SMIM7: variants seen among roughly 807,000 people sequenced by gnomAD.
SMIM7 encodes the protein UPF0608 protein C19orf42.
SMIM7 carries 12 observed loss-of-function variants against 13.3 expected under a neutral mutation model. The observed-to-expected ratio is 0.90, with a 90% CI of 0.58 to 1.46. The LOEUF (loss-of-function observed/expected upper bound fraction) is 1.46, where lower values mean the gene tolerates loss of function less well. Among genes scored for constraint, SMIM7 ranks in the 40% most tolerant of loss-of-function variants. The probability of loss-of-function intolerance (pLI) is 0.00; values close to 1 mark genes in which losing one functional copy is unlikely to be tolerated. For synonymous variants in SMIM7, 36 were observed against 35.8 expected (o/e 1.01, Z -0.02); for missense variants, 114 against 94.8 (o/e 1.20, Z -0.84).
intron 4 of SMIM7, among the ~76,000 whole-genome samples, chr19:16,632,442 G>C (rs73516991): frequency 1.3e-3 from 197 of 152,100 alleles, no homozygotes; most frequent in African/African-American, 4.6e-3. Context: ...CTGGTTGGGG[G>C]GTGGGAATTC....
At chr19:16,632,882 C>T (rs1338681487) in intron 4 of SMIM7, among the ~76,000 whole-genome samples, 4 of 152,054 alleles carry the variant, frequency 2.6e-5, no homozygotes, top group African/African-American at 7.2e-5. Flanking sequence ...TGGATATGAG[C>T]GTACTGAAAT....
intron 4 of SMIM7, among the ~76,000 whole-genome samples, chr19:16,638,272 G>GTGAGGCAAT (rs2086375178): frequency 1.3e-5 from 2 of 150,676 alleles, no homozygotes; most frequent in Admixed American, 1.3e-4. Flanking sequence ...CAAAAGAACC[G>GTGAGGCAAT]TGAGGCAATT....
chr19:16,649,573 C>T (rs2086493020), intron 4 of SMIM7, among the ~76,000 whole-genome samples: 2 of 151,084 alleles, frequency 1.3e-5, no homozygotes, highest in Admixed American at 6.6e-5. Flanking sequence ...ACTCTGTCTC[C>T]AAAAAAAAGA....
downstream of SMIM7, chr19:16,645,651 TACTCA>T (rs1251761916): frequency 4.1e-5 from 6 of 147,992 alleles, no homozygotes; most frequent in Non-Finnish European, 8.8e-5. Flanking sequence ...AAATTCCACT[TACTCA>T]ATTCTTTTTT....
intron 4 of SMIM7, among the ~76,000 whole-genome samples, chr19:16,631,974 A>C (rs1274186195): frequency 6.6e-6 from 1 of 150,706 alleles, no homozygotes; most frequent in Non-Finnish European, 1.5e-5. Flanking sequence ...GGTTCAAGCG[A>C]TTCTCCTGCC....
intron 4 of SMIM7, chr19:16,652,795 T>TG: frequency 6.5e-7 from 1 of 1,527,096 alleles, no homozygotes. Flanking sequence ...TCTCTCTTTC[T>TG]GGGGGAAGCA....
intron 3 of SMIM7, among the ~76,000 whole-genome samples, chr19:16,656,648 C>T (rs2086600707): frequency 6.6e-6 from 1 of 151,974 alleles, no homozygotes; most frequent in Admixed American, 6.6e-5. Flanking sequence ...TCTGTAATCC[C>T]AGCACTTTGG....
At chr19:16,655,761 G>A (rs995769301) in intron 3 of SMIM7, among the ~76,000 whole-genome samples, 1 of 151,384 alleles carries the variant, frequency 6.6e-6, no homozygotes, top group South Asian at 2.1e-4. Flanking sequence ...TCTGCAGACT[G>A]GGGCTGCATG....
intron 3 of SMIM7, among the ~76,000 whole-genome samples, chr19:16,657,380 C>T (rs2086609628): frequency 7.0e-6 from 1 of 142,900 alleles, no homozygotes; most frequent in Non-Finnish European, 1.6e-5. Flanking sequence ...CGGATCTGTA[C>T]AGTGCAACTC....
intron 2 of SMIM7, 31 bp downstream of exon 2, chr19:16,659,928 T>C (rs746148694): frequency 1.3e-6 from 2 of 1,599,564 alleles, no homozygotes; most frequent in Non-Finnish European, 8.5e-7. Context: ...GTTCCCCGGA[T>C]GGAGCCGCAG....
intron 4 of SMIM7, chr19:16,652,566 T>C: frequency 8.8e-7 from 1 of 1,141,614 alleles, no homozygotes; most frequent in Non-Finnish European, 1.1e-6. Context: ...TAGGCAAGTC[T>C]CATACATGCT....
intron 4 of SMIM7, among the ~76,000 whole-genome samples, chr19:16,648,037 C>T (rs142926481): frequency 5.3e-5 from 8 of 152,274 alleles, no homozygotes; most frequent in East Asian, 3.9e-4. Context: ...AGAAAACTTA[C>T]GTGTACATCT....
chr19:16,659,189 G>A lies in SMIM7; in HGVS notation c.121+206C>T. 4 of 635,370 alleles carry A rather than the reference G, an allele frequency of 6.3e-6. No individual in the cohort carries two copies. In the South Asian group the frequency reaches 7.0e-5, roughly 11 times the overall value. 39.4% of individuals were successfully genotyped at this position (635,370 alleles called of 1,614,324 possible). A position where few individuals can be genotyped will look rare whatever the true frequency, so the allele number is the denominator to read the frequency against. On this transcript the variant is annotated intron_variant, in intron 3 of 4. Coordinates refer to ENST00000487416, the MANE Select transcript of SMIM7 (RefSeq NM_024104.4). ...TCCCAGCTACTAAGGGGGCTGAGGT[G>A]GAAGGATCACTTTAGCTCAGGAGGT...
At chr19:16,658,166 C>T (rs926493404) in intron 3 of SMIM7, among the ~76,000 whole-genome samples, 1 of 152,206 alleles carries the variant, frequency 6.6e-6, no homozygotes, top group African/African-American at 2.4e-5. Flanking sequence ...AGGAGGGCAA[C>T]CCCATCACCA....
chr19:16,642,273 T>C (rs2086409438), downstream of SMIM7, among the ~76,000 whole-genome samples: 1 of 152,220 alleles, frequency 6.6e-6, no homozygotes, highest in South Asian at 2.1e-4. Flanking sequence ...AGAATCATAT[T>C]GTGATTGAGC....
chr19:16,653,337 C>T (rs1219913822), intron 4 of SMIM7, among the ~76,000 whole-genome samples: 1 of 152,192 alleles, frequency 6.6e-6, no homozygotes, highest in Non-Finnish European at 1.5e-5. Flanking sequence ...AATCTCAGCA[C>T]TTTGGGAGGC....
At chr19:16,648,955 C>T (rs933404993) in intron 4 of SMIM7, among the ~76,000 whole-genome samples, 2 of 152,122 alleles carry the variant, frequency 1.3e-5, no homozygotes, top group African/African-American at 4.8e-5. Context: ...GCAAAAGTTG[C>T]AGTGAGCTGA....
At chr19:16,659,831 C>T in intron 2 of SMIM7, 128 bp downstream of exon 2, 1 of 1,276,690 alleles carries the variant, frequency 7.8e-7, no homozygotes, top group Non-Finnish European at 1.1e-6. Context: ...GGAGGCGTGC[C>T]CAGAGGGCGG....
Position 16,659,376 on chromosome 19 carries a change from G to A in SMIM7, c.121+19C>T. On this transcript the variant is annotated intron_variant, in intron 3 of 4. Coordinates refer to ENST00000487416, the MANE Select transcript of SMIM7 (RefSeq NM_024104.4). ...CTCTGAAGTGGACCATGCAATTCCA[G>A]GATCCAATTAGACCTTACCTGTGCT... is the stretch of plus-strand genomic sequence containing the variant. 6.2e-7 allele frequency: 1 copy of A among 1,612,332 alleles called. No homozygotes were observed. The highest frequency in any genetic ancestry group is 8.5e-7 in the Non-Finnish European group (1 of 1,178,750).
Sources: gnomAD v4.1 joint callset for allele counts (sites outside exome capture counted in the v4.1 genomes callset) on GRCh38, gnomAD v4.1.1 for gene constraint, MANE v1.5 for transcripts, NCBI Gene and HGNC (gene_info 2026-07-23, HGNC 2026-07-21) for gene names.